Variants in SYNE1 observed in about 807,000 individuals in gnomAD.
The protein encoded by SYNE1 is spectrin repeat containing nuclear envelope protein 1.
SYNE1 carries 616 observed loss-of-function variants against 1,111.0 expected under a neutral mutation model. That is an observed-to-expected ratio of 0.55 (90% confidence interval 0.52 to 0.59). The LOEUF (loss-of-function observed/expected upper bound fraction) is 0.59, where lower values mean the gene tolerates loss of function less well. SYNE1 is among the 20% of genes least tolerant of loss of function. The pLI, the probability that SYNE1 is intolerant of heterozygous loss-of-function variation, is 0.00. For synonymous variants in SYNE1, 3,855 were observed against 3,825.8 expected (o/e 1.01, Z -0.28); for missense variants, 10,006 against 10,417.0 (o/e 0.96, Z 1.72).
chr6:152,369,646 A>G, intron 59 of SYNE1, 32 bp from the exon 60 acceptor site: 1 of 1,613,354 alleles, frequency 6.2e-7, no homozygotes, highest in Admixed American at 1.7e-5. Context: ...CCAGGACAAG[A>G]AAATATTTTA....
At position 152,334,080 on chromosome 6, in the gene SYNE1, T is replaced by C; in HGVS notation, c.12722A>G (p.Asp4241Gly). 6.2e-7 allele frequency: 1 copy of C among 1,614,202 alleles called. No homozygotes were observed. The change falls in exon 77 of 146, where the codon GAT becomes GGT. Residue 4241 changes from aspartate to glycine, a missense_variant. This residue lies in a region of SYNE1 where 4,955 missense variants were observed against 5,017.2 expected (regional missense o/e 0.99). Coordinates refer to ENST00000367255, the MANE Select transcript of SYNE1 (RefSeq NM_182961.4). ...QREEDLQRTR[D>G]YHDCMNVVEV... Reference sequence around the variant, plus strand: ...AACAACATTCATACAGTCATGGTAATCTCTTGTTCTCTGAAGATCCTCTTC... The same window carrying C: ...AACAACATTCATACAGTCATGGTAACCTCTTGTTCTCTGAAGATCCTCTTC...
intron 4 of SYNE1, among the ~76,000 whole-genome samples, chr6:152,534,148 A>C (rs2099220544): frequency 6.6e-6 from 1 of 151,644 alleles, no homozygotes; most frequent in African/African-American, 2.4e-5. Context: ...ACAGAGCAAG[A>C]CTCTGTCTCA....
In SYNE1 at chr6:152,484,954, C is replaced by T. The variant is rs1156294695; in HGVS notation, c.1066G>A (p.Val356Ile). 6 of 1,612,400 alleles carry T rather than the reference C, an allele frequency of 3.7e-6. No homozygotes were observed. The South Asian group carries it at 6.6e-5, about 18-fold the overall frequency. ...TGTTTCCTCTTCATTTCATATTGAA[C>T]TCTGAAGTGCTTAAATGACTAAAAG... is the stretch of plus-strand genomic sequence containing the variant. ...DKYQSFKHFRVQYEMKRKQIE... is the reference protein window; with the variant it reads ...DKYQSFKHFRIQYEMKRKQIE... The change falls in exon 13 of 146, where the codon GTT becomes ATT. Residue 356 changes from valine (V) to isoleucine (I), a missense_variant. By Grantham distance (29) the Val-to-Ile change is conservative. Transcript: ENST00000367255.
At chr6:152,413,553 T>G (rs748615280) in intron 41 of SYNE1, 22 bp from the exon 42 acceptor site, 1 of 1,611,296 alleles carries the variant, frequency 6.2e-7, no homozygotes, top group Admixed American at 1.7e-5. Context: ...AATGTTATTT[T>G]CCTATTAATT....
At chr6:152,230,277 T>C (rs1325325958) in intron 115 of SYNE1, among the ~76,000 whole-genome samples, 3 of 152,120 alleles carry the variant, frequency 2.0e-5, no homozygotes, top group African/African-American at 7.2e-5. Flanking sequence ...TTAAATCTGA[T>C]GCTCAGTATA....
chr6:152,635,844 C>T (rs1044957919), intron 2 of SYNE1, among the ~76,000 whole-genome samples: 1 of 152,198 alleles, frequency 6.6e-6, no homozygotes, highest in Non-Finnish European at 1.5e-5. Flanking sequence ...TCCCTCTGGG[C>T]TGGACCTGAC....
rs142393382 is a variant in SYNE1, at chr6:152,214,721, G to C, written c.22346+185C>G. Among the ~76,000 whole-genome samples the C allele has an allele frequency of 7.7e-3, 1,176 of 152,312 alleles. 6 individuals carry two copies. The highest frequency in any genetic ancestry group is 0.012 in the Non-Finnish European group (839 of 68,018). The stretch of plus-strand genomic sequence containing the variant: ...CAAAACCTGCCCTCTTGAAAGCAGA[G>C]AGCAGCCCTCACCAGACAACTGAAT... On this transcript the variant is annotated intron_variant, in intron 122 of 145. Coordinates refer to ENST00000367255, the MANE Select transcript of SYNE1 (RefSeq NM_182961.4).
At chr6:152,429,086 G>A (rs1479803596) in intron 36 of SYNE1, among the ~76,000 whole-genome samples, 5 of 144,688 alleles carry the variant, frequency 3.5e-5, no homozygotes, top group Non-Finnish European at 4.5e-5. Flanking sequence ...TATCTCAATA[G>A]TAATAATAAT....
chr6:152,195,564 C>A (rs1213681931), intron 127 of SYNE1, among the ~76,000 whole-genome samples: 3 of 152,214 alleles, frequency 2.0e-5, no homozygotes, highest in Non-Finnish European at 2.9e-5. Context: ...GATAGAGGAA[C>A]CACCTTGGTG....
At chr6:152,180,651 TAAA>T (rs1425086700) in intron 128 of SYNE1, among the ~76,000 whole-genome samples, 52 of 139,934 alleles carry the variant, frequency 3.7e-4, no homozygotes, top group African/African-American at 1.4e-3. Flanking sequence ...AGAGAGATGG[TAAA>T]GAAGGGAGGA....
intron 131 of SYNE1, among the ~76,000 whole-genome samples, chr6:152,158,469 C>T (rs1435105444): frequency 1.3e-5 from 2 of 152,114 alleles, no homozygotes; most frequent in South Asian, 4.1e-4. Flanking sequence ...TAGCTATTGT[C>T]AAATGTCATA....
chr6:152,132,066 T>C (rs979053658), intron 144 of SYNE1, 56 bp downstream of exon 144: 1 of 1,517,938 alleles, frequency 6.6e-7, no homozygotes, highest in African/African-American at 1.4e-5. Flanking sequence ...GCAAATACTG[T>C]CACTTCCCAG....
At position 152,164,245 on chromosome 6, in the gene SYNE1, T is replaced by C. The variant is rs886044047; in HGVS notation, c.23708A>G (p.His7903Arg). Residue 7903 changes from histidine to arginine, a missense_variant, in exon 131 of 146, where the codon CAC becomes CGC. Physicochemically the swap from His to Arg is conservative, Grantham distance 29. This residue lies in a region of SYNE1 where 2,182 missense variants were observed against 2,287.8 expected (regional missense o/e 0.95). Transcript: ENST00000367255. ...NMSSLRTWLA[H>R]IESELAKPIV... ...TGGCTTGGCCAGCTCTGACTCGATG[T>C]GAGCGAGCCAGGTCCTCAGGCTGCT... is the stretch of plus-strand genomic sequence containing the variant. 5 of 1,614,222 alleles carry C rather than the reference T, an allele frequency of 3.1e-6. No individual in the cohort carries two copies. The Middle Eastern group carries it at 8.2e-4, about 266-fold the overall frequency.
intron 104 of SYNE1, among the ~76,000 whole-genome samples, chr6:152,251,666 G>A (rs1308542016): frequency 4.6e-5 from 7 of 151,414 alleles, no homozygotes; most frequent in Non-Finnish European, 7.4e-5. Context: ...GGCTGAGGCA[G>A]GAGAATGGCG....
chr6:152,636,898 C>G (rs896774361), intron 1 of SYNE1, 93 bp from the exon 2 acceptor site: 1 of 152,428 alleles, frequency 6.6e-6, no homozygotes, highest in Non-Finnish European at 1.5e-5. Context: ...CACACTCACT[C>G]CCGCGCCGGG....
intron 112 of SYNE1, among the ~76,000 whole-genome samples, chr6:152,233,266 A>G (rs2153521610): frequency 6.6e-6 from 1 of 152,242 alleles, no homozygotes; most frequent in South Asian, 2.1e-4. Context: ...ACCCACACCC[A>G]CATACACACA....
chr6:152,454,258 G>A (rs2098677402), intron 24 of SYNE1, among the ~76,000 whole-genome samples: 1 of 148,900 alleles, frequency 6.7e-6, no homozygotes, highest in Non-Finnish European at 1.5e-5. Context: ...ACACATGCTA[G>A]CACCAAATTG....
At chr6:152,469,880 G>A (rs1202583760) in intron 16 of SYNE1, among the ~76,000 whole-genome samples, 1 of 152,056 alleles carries the variant, frequency 6.6e-6, no homozygotes, top group Admixed American at 6.6e-5. Context: ...CAGTCTGTAG[G>A]GCCATCACTG....
intron 105 of SYNE1, among the ~76,000 whole-genome samples, chr6:152,244,973 GCATCAT>G (rs1272649587): frequency 6.6e-6 from 1 of 152,086 alleles, no homozygotes; most frequent in Non-Finnish European, 1.5e-5. Context: ...AAAAAAAAGA[GCATCAT>G]TTAGGACATA....
Sources: gnomAD v4.1 joint callset for allele counts (sites outside exome capture counted in the v4.1 genomes callset) on GRCh38, gnomAD v4.1.1 for gene constraint, gnomAD v4.1.1 regional missense constraint, MANE v1.5 for transcripts, NCBI Gene and HGNC (gene_info 2026-07-23, HGNC 2026-07-21) for gene names.